The following RSRC1 variants were observed in gnomAD, a reference collection of about 807,000 sequenced individuals.
The protein encoded by RSRC1 is serine/Arginine-related protein 53.
RSRC1 carries 39 observed loss-of-function variants against 49.1 expected under a neutral mutation model. The observed-to-expected ratio is 0.79, with a 90% confidence interval of 0.61 to 1.04. The LOEUF (loss-of-function observed/expected upper bound fraction) is 1.04, where lower values mean the gene tolerates loss of function less well. Among genes scored for constraint, RSRC1 ranks in the 50% least tolerant of loss-of-function variants. The pLI, the probability that RSRC1 is intolerant of heterozygous loss-of-function variation, is 0.00. For missense variants in RSRC1, 388 were observed against 402.4 expected, an observed-to-expected ratio of 0.96 and a Z score of 0.31; for synonymous variants, 143 against 130.8, an observed-to-expected ratio of 1.09 and a Z score of -0.63.
chr3:158,375,855 C>T (rs114243351), intron 6 of RSRC1, among the ~76,000 whole-genome samples: 2,470 of 152,254 alleles, frequency 0.016, 64 homozygotes, highest in African/African-American at 0.056. Context: ...GTTCATTCAA[C>T]ATTCAACAAT....
intron 6 of RSRC1, among the ~76,000 whole-genome samples, chr3:158,405,389 A>G (rs896696688): frequency 6.6e-6 from 1 of 152,102 alleles, no homozygotes; most frequent in African/African-American, 2.4e-5. Flanking sequence ...TGTTAATTTT[A>G]TGAACTGGTA....
intron 7 of RSRC1, among the ~76,000 whole-genome samples, chr3:158,499,779 T>G (rs1330537534): frequency 1.3e-5 from 2 of 152,050 alleles, no homozygotes; most frequent in Non-Finnish European, 2.9e-5. Flanking sequence ...GCCTTTAGGG[T>G]TTTCAAGGTA....
intron 5 of RSRC1, among the ~76,000 whole-genome samples, chr3:158,299,637 G>A (rs893858710): frequency 1.3e-5 from 2 of 151,964 alleles, no homozygotes; most frequent in African/African-American, 4.8e-5. Flanking sequence ...GGCCTGAGGT[G>A]TCTTTTATAC....
At chr3:158,470,850 A>T (rs1403937454) in intron 7 of RSRC1, among the ~76,000 whole-genome samples, 1 of 152,188 alleles carries the variant, frequency 6.6e-6, no homozygotes, top group Non-Finnish European at 1.5e-5. Flanking sequence ...GTCATTCCCT[A>T]TTAGACTGGG....
intron 7 of RSRC1, among the ~76,000 whole-genome samples, chr3:158,514,975 T>A (rs141499873): frequency 0.052 from 7,903 of 151,938 alleles, 300 homozygotes; most frequent in Middle Eastern, 0.082. Context: ...GCTTGGTAGA[T>A]CTTCCTCCAT....
intron 9 of RSRC1, among the ~76,000 whole-genome samples, chr3:158,543,840 TG>T (rs1013160925): frequency 2.0e-5 from 3 of 152,162 alleles, no homozygotes; most frequent in African/African-American, 7.2e-5. Context: ...AGCTCTACTT[TG>T]TTCATTATCA....
At chr3:158,378,641 G>A (rs894514105) in intron 6 of RSRC1, among the ~76,000 whole-genome samples, 4 of 152,194 alleles carry the variant, frequency 2.6e-5, no homozygotes, top group Admixed American at 6.5e-5. Context: ...TGCTTCAGCT[G>A]TCAAGAGACT....
At chr3:158,481,145 T>C (rs1366643107) in intron 7 of RSRC1, among the ~76,000 whole-genome samples, 1 of 151,864 alleles carries the variant, frequency 6.6e-6, no homozygotes, top group African/African-American at 2.4e-5. Flanking sequence ...TATATTGTCA[T>C]GTGACTCAGC....
chr3:158,251,000 A>G (rs1724181587), intron 4 of RSRC1, among the ~76,000 whole-genome samples: 1 of 151,894 alleles, frequency 6.6e-6, no homozygotes, highest in Non-Finnish European at 1.5e-5. Context: ...ATTGATTTTG[A>G]TTTGGTTTTT....
intron 6 of RSRC1, among the ~76,000 whole-genome samples, chr3:158,443,470 AG>A (rs1476843895): frequency 3.3e-5 from 5 of 152,194 alleles, no homozygotes; most frequent in African/African-American, 1.2e-4. Context: ...TGATAGCTTT[AG>A]ACTTTTCTTC....
intron 6 of RSRC1, among the ~76,000 whole-genome samples, chr3:158,364,857 T>A (rs1282207020): frequency 7.6e-6 from 1 of 131,666 alleles, no homozygotes; most frequent in Admixed American, 7.7e-5. Context: ...AATATGTACC[T>A]TGTAGAGATT....
At chr3:158,172,940 C>T (rs937144539) in intron 3 of RSRC1, among the ~76,000 whole-genome samples, 2 of 151,958 alleles carry the variant, frequency 1.3e-5, no homozygotes, top group Non-Finnish European at 2.9e-5. Flanking sequence ...TCTTTTTTAT[C>T]CCCTTTGTAA....
At chr3:158,110,357 G>C (rs1418658184) in intron 1 of RSRC1, 134 bp downstream of exon 1, 1 of 152,522 alleles carries the variant, frequency 6.6e-6, no homozygotes, top group Non-Finnish European at 1.5e-5. Context: ...CTGCGGCCTC[G>C]GGGCGTGCGC....
intron 6 of RSRC1, among the ~76,000 whole-genome samples, chr3:158,439,073 T>G (rs930801455): frequency 6.6e-6 from 1 of 152,042 alleles, no homozygotes; most frequent in Non-Finnish European, 1.5e-5. Flanking sequence ...ATGCTCATCA[T>G]CACTGGCCAT....
chr3:158,461,857 T>C (rs1737631897), intron 7 of RSRC1, among the ~76,000 whole-genome samples: 1 of 151,796 alleles, frequency 6.6e-6, no homozygotes, highest in South Asian at 2.1e-4. Context: ...TTTGCCTTAG[T>C]AGGTACCTGT....
chr3:158,372,239 C>T (rs1732120655), intron 6 of RSRC1, among the ~76,000 whole-genome samples: 1 of 151,656 alleles, frequency 6.6e-6, no homozygotes, highest in African/African-American at 2.4e-5. Flanking sequence ...AAATCTTTGC[C>T]CAACCAGAGA....
At chr3:158,351,303 C>T (rs2108232647) in intron 5 of RSRC1, among the ~76,000 whole-genome samples, 1 of 152,288 alleles carries the variant, frequency 6.6e-6, no homozygotes, top group African/African-American at 2.4e-5. Context: ...ATCCTATATT[C>T]ATTCAACTTA....
intron 7 of RSRC1, among the ~76,000 whole-genome samples, chr3:158,482,572 C>T (rs1738653535): frequency 6.6e-6 from 1 of 151,916 alleles, no homozygotes; most frequent in Non-Finnish European, 1.5e-5. Flanking sequence ...TCTTAAAGTC[C>T]CCTCCATCCC....
intron 5 of RSRC1, among the ~76,000 whole-genome samples, chr3:158,314,867 A>G (rs1367404144): frequency 6.6e-6 from 1 of 152,138 alleles, no homozygotes; most frequent in Non-Finnish European, 1.5e-5. Flanking sequence ...CCCCGTCTCT[A>G]CTAAAAATAC....
Sources: gnomAD v4.1 joint callset for allele counts (sites outside exome capture counted in the v4.1 genomes callset) on GRCh38, gnomAD v4.1.1 for gene constraint, MANE v1.5 for transcripts, NCBI Gene and HGNC (gene_info 2026-07-23, HGNC 2026-07-21) for gene names.